The following AP2B1 variants were observed in gnomAD, a reference collection of about 807,000 sequenced individuals.
AP2B1 encodes the protein adaptor related protein complex 2 subunit beta 1.
Under a neutral mutation model 102.0 loss-of-function variants are expected in AP2B1, and 23 were observed. The ratio of observed to expected loss-of-function variants is 0.23; its 90% CI spans 0.16 to 0.32. AP2B1 has a LOEUF of 0.32. Ranked by LOEUF, AP2B1 falls within the 10% of genes least tolerant of loss-of-function variation. AP2B1 has a pLI of 1.00. For synonymous variants in AP2B1, 381 were observed against 421.2 expected (o/e 0.90, Z 1.17); for missense variants, 541 against 1,157.4 (o/e 0.47, Z 7.73).
At chr17:35,674,025 G>T in intron 16 of AP2B1, 151 bp from the exon 17 acceptor site, 1 of 698,166 alleles carries the variant, frequency 1.4e-6, no homozygotes. Flanking sequence ...GCACTGGCTT[G>T]ATATTTATAG....
intron 14 of AP2B1, among the ~76,000 whole-genome samples, chr17:35,661,983 A>G (rs1216907297): frequency 6.6e-6 from 1 of 152,294 alleles, no homozygotes; most frequent in South Asian, 2.1e-4. Flanking sequence ...TCAATTTATT[A>G]TTTATTTGTT....
intron 18 of AP2B1, among the ~76,000 whole-genome samples, chr17:35,688,966 A>G (rs767331100): frequency 3.9e-5 from 6 of 152,180 alleles, no homozygotes; most frequent in Non-Finnish European, 7.4e-5. Context: ...ACAAGCCTTT[A>G]TCTCAAAAAG....
chr17:35,636,821 T>G (rs1237598625), intron 10 of AP2B1, among the ~76,000 whole-genome samples: 1 of 152,174 alleles, frequency 6.6e-6, no homozygotes, highest in Non-Finnish European at 1.5e-5. Flanking sequence ...ATTGTGCACC[T>G]TTTCTTCTCA....
chr17:35,610,339 C>T (rs1290761693), intron 5 of AP2B1, among the ~76,000 whole-genome samples: 4 of 151,680 alleles, frequency 2.6e-5, no homozygotes, highest in Admixed American at 6.6e-5. Context: ...GTAGAGACGA[C>T]GTTGCACCAT....
At chr17:35,598,734 C>G (rs1175283270) in intron 3 of AP2B1, among the ~76,000 whole-genome samples, 1 of 152,200 alleles carries the variant, frequency 6.6e-6, no homozygotes, top group Admixed American at 6.5e-5. Flanking sequence ...ACTGTACATT[C>G]AATTGCTGGA....
chr17:35,685,377 AAATC>A (rs1403333104), intron 18 of AP2B1, among the ~76,000 whole-genome samples: 1 of 152,244 alleles, frequency 6.6e-6, no homozygotes, highest in Non-Finnish European at 1.5e-5. Context: ...AACAAGAAGA[AAATC>A]AAAACATCAT....
At chr17:35,587,845 A>T (rs2072946716) in intron 1 of AP2B1, 1 of 152,098 alleles carries the variant, frequency 6.6e-6, no homozygotes, top group Admixed American at 6.5e-5. Context: ...GGATTCCCTC[A>T]AAGGTTTGCT....
At chr17:35,597,346 T>C (rs969928274) in intron 2 of AP2B1, among the ~76,000 whole-genome samples, 1 of 152,232 alleles carries the variant, frequency 6.6e-6, no homozygotes, top group South Asian at 2.1e-4. Flanking sequence ...CTTTCTTTTT[T>C]ATTTTGGTTC....
intron 21 of AP2B1, among the ~76,000 whole-genome samples, chr17:35,718,656 TG>T (rs2085258964): frequency 6.8e-6 from 1 of 147,560 alleles, no homozygotes; most frequent in South Asian, 2.3e-4. Context: ...AAGACCAGCC[TG>T]GGTAACATAG....
chr17:35,632,060 C>G (rs2074476406), intron 9 of AP2B1, among the ~76,000 whole-genome samples: 1 of 150,006 alleles, frequency 6.7e-6, no homozygotes, highest in African/African-American at 2.5e-5. Flanking sequence ...GAAAATTGTG[C>G]TTCACCTAAA....
intron 21 of AP2B1, among the ~76,000 whole-genome samples, chr17:35,722,145 C>T (rs141461663): frequency 3.8e-3 from 581 of 152,178 alleles, no homozygotes; most frequent in African/African-American, 0.013. Flanking sequence ...TCGCGAGGCT[C>T]AGGCAGGAGA....
chr17:35,633,091 G>A (rs1328350631), intron 9 of AP2B1, among the ~76,000 whole-genome samples: 9 of 151,986 alleles, frequency 5.9e-5, no homozygotes, highest in African/African-American at 1.5e-4. Context: ...GGCCGGGCGC[G>A]GTGGCTCATG....
intron 14 of AP2B1, 94 bp downstream of exon 14, chr17:35,657,885 T>C (rs2075268849): frequency 8.8e-7 from 1 of 1,137,524 alleles, no homozygotes; most frequent in Admixed American, 2.5e-5. Context: ...ACTAGACCTT[T>C]CCTTGATGAG....
At chr17:35,601,565 G>C (rs926915932) in intron 3 of AP2B1, among the ~76,000 whole-genome samples, 1 of 152,040 alleles carries the variant, frequency 6.6e-6, no homozygotes. Context: ...CACCATGCCC[G>C]GCCAAGATTC....
chr17:35,622,160 C>T, intron 5 of AP2B1, among the ~76,000 whole-genome samples: 1 of 152,168 alleles, frequency 6.6e-6, no homozygotes, highest in Admixed American at 6.5e-5. Context: ...AAAAGAGCCT[C>T]ATACATGTTA....
chr17:35,677,716 A>G (rs529170139), intron 17 of AP2B1, among the ~76,000 whole-genome samples: 85 of 152,278 alleles, frequency 5.6e-4, no homozygotes, highest in African/African-American at 2.0e-3. Flanking sequence ...TCTAAACAAT[A>G]TTGAGTCTTC....
intron 9 of AP2B1, among the ~76,000 whole-genome samples, chr17:35,632,429 C>A (rs1282422818): frequency 6.6e-6 from 1 of 152,116 alleles, no homozygotes; most frequent in Non-Finnish European, 1.5e-5. Flanking sequence ...GCCACTGCAC[C>A]CAGCCCTTGT....
At chr17:35,678,067 C>A (rs547560622) in intron 17 of AP2B1, among the ~76,000 whole-genome samples, 7 of 152,184 alleles carry the variant, frequency 4.6e-5, no homozygotes, top group African/African-American at 1.7e-4. Flanking sequence ...ACCATGTTGG[C>A]CAGGCTAATC....
Position 35,624,732 on chromosome 17 carries a change from T to C in AP2B1, c.716+145T>C, listed in dbSNP as rs1056140513. 24 of 677,316 alleles carry C rather than the reference T, an allele frequency of 3.5e-5. No individual in the cohort carries two copies. In the African/African-American group the frequency reaches 4.2e-4, roughly 12 times the overall value. The allele number at this position is 677,316 out of a possible 1,614,324, so 42.0% of individuals were successfully genotyped here. On this transcript the variant is annotated intron_variant, in intron 6 of 21. Coordinates refer to ENST00000610402, the MANE Select transcript of AP2B1 (RefSeq NM_001030006.2). ...CTCCAGGGTATTTTCTCTCTGGATTTAGGAATATTTTAGGTGGTAGAATAA... is the reference window on the plus strand; with the variant it reads ...CTCCAGGGTATTTTCTCTCTGGATTCAGGAATATTTTAGGTGGTAGAATAA...
Sources: gnomAD v4.1 joint callset for allele counts (sites outside exome capture counted in the v4.1 genomes callset) on GRCh38, gnomAD v4.1.1 for gene constraint, MANE v1.5 for transcripts, NCBI Gene and HGNC (gene_info 2026-07-23, HGNC 2026-07-21) for gene names.